The following KIF13A variants were observed in gnomAD, a reference collection of about 807,000 sequenced individuals.
KIF13A encodes kinesin family member 13A, also known as kinesin-like protein KIF13A.
A neutral mutation model predicts 212.2 loss-of-function variants in KIF13A; 79 were observed. That is an observed-to-expected ratio of 0.37 (90% CI 0.31 to 0.45). KIF13A has a LOEUF of 0.45. Ranked by LOEUF, KIF13A falls within the 20% of genes least tolerant of loss-of-function variation. The pLI is 1.00. For missense variants in KIF13A, 1,901 were observed against 2,209.0 expected, an observed-to-expected ratio of 0.86 and a Z score of 2.79; for synonymous variants, 789 against 808.6, an observed-to-expected ratio of 0.98 and a Z score of 0.41.
rs771544479 is a variant in KIF13A, at chr6:17,805,631, AAAC to A, written c.2164-19_2164-17del. 3.2e-6 allele frequency: 5 copies of A among 1,578,662 alleles called. No individual in the cohort carries two copies. Among genetic ancestry groups the A allele is most frequent in the Non-Finnish European group, 4.3e-6 (5 of 1,161,040 alleles). ...TTGCACCTCTCTGCATAAGGAAGAA[AAAC>A]AAAACAAACCCTGTTATAACTCCTT... On this transcript the variant is annotated splice_polypyrimidine_tract_variant and intron_variant, in intron 18 of 38. Transcript: ENST00000259711.
At chr6:17,893,830 AT>A (rs1772297603) in intron 3 of KIF13A, among the ~76,000 whole-genome samples, 1 of 122,838 alleles carries the variant, frequency 8.1e-6, no homozygotes, top group African/African-American at 3.1e-5. Context: ...TTTTTCCTGC[AT>A]CTTTTTTTTT....
chr6:17,764,715 A>C lies in KIF13A; in HGVS notation c.4813T>G (p.Ser1605Ala). The change falls in exon 39 of 39, where the codon TCC becomes GCC. Residue 1605 changes from serine to alanine, a missense_variant. Ser to Ala is a moderately conservative substitution (Grantham distance 99). This residue lies in a region of KIF13A where 687 missense variants were observed against 759.1 expected (regional missense o/e 0.90). Transcript: ENST00000259711. This position sits in a 1 kb window ranked among gnomAD's most constrained non-coding sequence, Gnocchi z 5.1. Reference sequence around the variant, plus strand: ...ACCATGTCAGACAGGGTGGCATTGGAGGCACTGTGGGAAAAGTAGCCACTG... The same window carrying C: ...ACCATGTCAGACAGGGTGGCATTGGCGGCACTGTGGGAAAAGTAGCCACTG... ...ITSGYFSHSA[S>A]NATLSDMVVP... 1 of 1,613,122 alleles carries C rather than the reference A, an allele frequency of 6.2e-7. No individual in the cohort carries two copies. Among genetic ancestry groups the C allele is most frequent in the South Asian group, 1.1e-5 (1 of 90,916 alleles).
At chr6:17,866,381 T>C (rs1769372650) in intron 4 of KIF13A, among the ~76,000 whole-genome samples, 1 of 152,086 alleles carries the variant, frequency 6.6e-6, no homozygotes, top group Non-Finnish European at 1.5e-5. Flanking sequence ...TTAGGAGTCA[T>C]ATTGAATGAC....
chr6:17,850,559 CA>C lies in KIF13A; in HGVS notation c.583-103del, dbSNP rs1478625833. 9 of 1,196,316 alleles carry C rather than the reference CA, an allele frequency of 7.5e-6. No homozygotes were observed. Among genetic ancestry groups the C allele is most frequent in the Non-Finnish European group, 1.1e-6 (1 of 883,726 alleles). The allele number at this position is 1,196,316 out of a possible 1,614,324, so 74.1% of individuals were successfully genotyped here. A position where few individuals can be genotyped will look rare whatever the true frequency, so the allele number is the denominator to read the frequency against. On this transcript the variant is annotated intron_variant, in intron 7 of 38. Transcript: ENST00000259711. The surrounding 1 kb of genome is among the most constrained non-coding windows in gnomAD (Gnocchi z 6.2). ...ATTATGATTCCTCTGATGCCTTTGTCACCACCCTTCCATAGAAACCTCCCTG... is the reference window on the plus strand; with the variant it reads ...ATTATGATTCCTCTGATGCCTTTGTCCCACCCTTCCATAGAAACCTCCCTG...
chr6:17,961,353 A>G lies in KIF13A; in HGVS notation c.146+25701T>C, dbSNP rs1581866623. 6.6e-6 allele frequency among the ~76,000 whole-genome samples: 1 copy of G among 152,348 alleles called. No homozygotes were observed. Among genetic ancestry groups the G allele is most frequent in the Non-Finnish European group, 1.5e-5 (1 of 68,030 alleles). On this transcript the variant is annotated intron_variant, in intron 2 of 38. Transcript: ENST00000259711. This position sits in a 1 kb window ranked among gnomAD's most constrained non-coding sequence, Gnocchi z 4.1. ...ACTGATGTGGGATAATAAATAAGTT[A>G]TTAAGATAGGCAATAAATCATGTCC...
At chr6:17,952,808 T>C (rs997539347) in intron 2 of KIF13A, among the ~76,000 whole-genome samples, 1 of 151,944 alleles carries the variant, frequency 6.6e-6, no homozygotes, top group Non-Finnish European at 1.5e-5. Context: ...TGGGCGCCTG[T>C]AGCCCCAGCT....
Position 17,963,486 on chromosome 6 carries a change from A to G in KIF13A, c.146+23568T>C, listed in dbSNP as rs2150591644. Among the ~76,000 whole-genome samples, 1 of 152,354 alleles carries G rather than the reference A, an allele frequency of 6.6e-6. No homozygotes were observed. Among genetic ancestry groups the G allele is most frequent in the African/African-American group, 2.4e-5 (1 of 41,598 alleles). Reference sequence around the variant, plus strand: ...TAACATGGATAGATAAGGTCTTACAATATGAAGAAATATATTACCGATGAC... The same window carrying G: ...TAACATGGATAGATAAGGTCTTACAGTATGAAGAAATATATTACCGATGAC... On this transcript the variant is annotated intron_variant, in intron 2 of 38. Coordinates refer to ENST00000259711, the MANE Select transcript of KIF13A (RefSeq NM_022113.6). This position sits in a 1 kb window ranked among gnomAD's most constrained non-coding sequence, Gnocchi z 4.1.
At chr6:17,943,906 T>C (rs1307851686) in intron 2 of KIF13A, among the ~76,000 whole-genome samples, 5 of 152,118 alleles carry the variant, frequency 3.3e-5, no homozygotes, top group Non-Finnish European at 5.9e-5. Context: ...ACTGGTTAAA[T>C]GGAGATCAGT....
intron 2 of KIF13A, among the ~76,000 whole-genome samples, chr6:17,949,837 G>A (rs1400102572): frequency 1.3e-5 from 2 of 151,972 alleles, no homozygotes; most frequent in Admixed American, 1.3e-4. Flanking sequence ...CAAACTAAGA[G>A]GTCTTCTAAA....
rs10686772 is a variant in KIF13A, at chr6:17,785,750, CAAA to C, written c.3362-112_3362-110del. 89 of 861,956 alleles carry C rather than the reference CAAA, an allele frequency of 1.0e-4. No homozygotes were observed. The highest frequency in any genetic ancestry group is 9.4e-4 in the Middle Eastern group (3 of 3,204). The allele number at this position is 861,956 out of a possible 1,614,324, so 53.4% of individuals were successfully genotyped here. A position where few individuals can be genotyped will look rare whatever the true frequency, so the allele number is the denominator to read the frequency against. On this transcript the variant is annotated intron_variant, in intron 27 of 38. Transcript: ENST00000259711. The surrounding 1 kb of genome is among the most constrained non-coding windows in gnomAD (Gnocchi z 5.8). ...CAACATAGTGAGACCCCATCTCTAC[CAAA>C]AAAAAAAAAATAGTTGGGCAGGGTG...
intron 13 of KIF13A, among the ~76,000 whole-genome samples, chr6:17,830,834 T>C (rs1031754867): frequency 7.2e-5 from 11 of 152,184 alleles, no homozygotes; most frequent in Admixed American, 3.9e-4. Context: ...CTCATAAAGC[T>C]AGGCATCACC....
At chr6:17,858,123 ATGTG>A (rs148382700) in intron 4 of KIF13A, among the ~76,000 whole-genome samples, 2,435 of 137,930 alleles carry the variant, frequency 0.018, 62 homozygotes, top group African/African-American at 0.057. Flanking sequence ...GCATGCACGC[ATGTG>A]TGTGTGTGTG....
At position 17,895,550 on chromosome 6, in the gene KIF13A, C is replaced by T. The variant is rs972988594; in HGVS notation, c.159+2618G>A. 2.6e-5 allele frequency among the ~76,000 whole-genome samples: 4 copies of T among 152,174 alleles called. No individual in the cohort carries two copies. The highest frequency in any genetic ancestry group is 9.7e-5 in the African/African-American group (4 of 41,448). ...ACCTCTGTTTCACCTTCATACCCTA[C>T]CCCTGGCTGCATCTCAATCCACTTT... On this transcript the variant is annotated intron_variant, in intron 3 of 38. Transcript: ENST00000259711. The surrounding 1 kb of genome is among the most constrained non-coding windows in gnomAD (Gnocchi z 4.4).
chr6:17,858,377 C>T (rs984802223), intron 4 of KIF13A, among the ~76,000 whole-genome samples: 19 of 151,990 alleles, frequency 1.3e-4, no homozygotes, highest in African/African-American at 2.7e-4. Context: ...TATGCAAATA[C>T]GTGTATATTC....
rs191241747 is a variant in KIF13A, at chr6:17,881,399, A to T, written c.160-7962T>A. ...GTACAGTTAAACTCCACTTTTACTT[A>T]AAAGTCATCTCTGATGGCATTTCAG... On this transcript the variant is annotated intron_variant, in intron 3 of 38. Transcript: ENST00000259711. The T allele has an allele frequency of 9.5e-4, 386 of 407,716 alleles. 1 individual carries two copies. The highest frequency in any genetic ancestry group is 7.1e-3 in the African/African-American group (337 of 47,476). The allele number at this position is 407,716 out of a possible 1,614,324, so 25.3% of individuals were successfully genotyped here.
rs1781160248 is a variant in KIF13A at position 17,982,258 on chromosome 6, G to A, written c.146+4796C>T. Reference sequence around the variant, plus strand: ...TTATAGGTGTGCACCACCACACTCGGCTAACTTTTGTATTTTTTTAGTGGA... The same window carrying A: ...TTATAGGTGTGCACCACCACACTCGACTAACTTTTGTATTTTTTTAGTGGA... On this transcript the variant is annotated intron_variant, in intron 2 of 38. Transcript: ENST00000259711. The surrounding 1 kb of genome is among the most constrained non-coding windows in gnomAD (Gnocchi z 5.1). The A allele has an allele frequency of 6.1e-6, 1 of 164,388 alleles. No homozygotes were observed. The highest frequency in any genetic ancestry group is 1.3e-5 in the Non-Finnish European group (1 of 79,404). The allele number at this position is 164,388 out of a possible 1,614,324, so 10.2% of individuals were successfully genotyped here.
At chr6:17,927,138 CAA>C (rs71002286) in intron 2 of KIF13A, among the ~76,000 whole-genome samples, 119 of 143,822 alleles carry the variant, frequency 8.3e-4, no homozygotes, top group South Asian at 1.5e-3. Context: ...GACTCTGTCT[CAA>C]AAAAAAAAAA....
chr6:17,954,925 C>G (rs758117137), intron 2 of KIF13A, among the ~76,000 whole-genome samples: 2 of 152,168 alleles, frequency 1.3e-5, no homozygotes. Context: ...GTAACCCTTC[C>G]ACCTTGGCCT....
intron 16 of KIF13A, among the ~76,000 whole-genome samples, chr6:17,818,505 A>T (rs1030651102): frequency 6.6e-6 from 1 of 152,194 alleles, no homozygotes; most frequent in Admixed American, 6.5e-5. Flanking sequence ...AAAAGAATCA[A>T]TTTTTTTAAA....
Sources: gnomAD v4.1 joint callset for allele counts (sites outside exome capture counted in the v4.1 genomes callset) on GRCh38, gnomAD v4.1.1 for gene constraint, gnomAD v4.1.1 regional missense constraint, Gnocchi (gnomAD v3.1) non-coding constraint, MANE v1.5 for transcripts, NCBI Gene and HGNC (gene_info 2026-07-23, HGNC 2026-07-21) for gene names.